Variants in DMD observed in about 807,000 individuals in gnomAD.
The protein encoded by DMD is mutant dystrophin.
In DMD, 63 loss-of-function variants were observed where a neutral mutation model predicts 330.1. The ratio of observed to expected loss-of-function variants is 0.19; its 90% CI spans 0.16 to 0.24. DMD has a LOEUF of 0.24. DMD is among the 10% of genes least tolerant of loss of function. DMD has a pLI of 1.00. For missense variants in DMD, 3,344 were observed against 2,684.1 expected (o/e 1.25, Z -5.43); for synonymous variants, 1,223 against 959.8 (o/e 1.27, Z -5.07).
intron 1 of DMD, among the ~76,000 whole-genome samples, chrX:33,107,139 C>T (rs1019883871): frequency 1.8e-5 from 2 of 111,396 alleles, no homozygotes; most frequent in Admixed American, 1.9e-4. Flanking sequence ...TGGTGAAACC[C>T]CGTCTCTACT....
chrX:32,446,611 C>T (rs1484307449), intron 27 of DMD, among the ~76,000 whole-genome samples: 1 of 109,981 alleles, frequency 9.1e-6, no homozygotes, highest in East Asian at 2.8e-4. Flanking sequence ...GGGAAAATAG[C>T]ATCGGTAAAT....
chrX:32,282,700 T>C (rs1458900999), intron 43 of DMD, among the ~76,000 whole-genome samples: 1 of 112,274 alleles, frequency 8.9e-6, no homozygotes, highest in Non-Finnish European at 1.9e-5. Context: ...AAGCGTAATG[T>C]CTGTTTTACC....
intron 7 of DMD, chrX:32,756,107 T>C (rs1412417119): frequency 8.9e-6 from 1 of 112,449 alleles, no homozygotes; most frequent in African/African-American, 3.2e-5. Flanking sequence ...AATTAAATCT[T>C]AGTAACATTT....
intron 63 of DMD, among the ~76,000 whole-genome samples, chrX:31,255,857 C>T (rs1002771331): frequency 9.7e-6 from 1 of 102,977 alleles, no homozygotes; most frequent in Non-Finnish European, 2.0e-5. Context: ...CTCATTGCAA[C>T]CTCCGACTCC....
At chrX:32,003,226 C>A (rs1372663472) in intron 44 of DMD, among the ~76,000 whole-genome samples, 1 of 111,969 alleles carries the variant, frequency 8.9e-6, no homozygotes, top group East Asian at 2.8e-4. Flanking sequence ...CTGCATGACA[C>A]CTAATGTCTC....
At chrX:32,610,504 C>T (rs2057083114) in intron 12 of DMD, among the ~76,000 whole-genome samples, 1 of 111,369 alleles carries the variant, frequency 9.0e-6, no homozygotes, top group Non-Finnish European at 1.9e-5. Context: ...AGCAAAGGAT[C>T]CTGTCACAGA....
intron 7 of DMD, among the ~76,000 whole-genome samples, chrX:32,793,213 G>A (rs772677531): frequency 2.9e-4 from 33 of 111,989 alleles, no homozygotes; most frequent in East Asian, 8.4e-4. Context: ...GAAGAAAATT[G>A]AGGAAATGTT....
chrX:33,176,074 G>A (rs1275144923), intron 1 of DMD, among the ~76,000 whole-genome samples: 1 of 111,222 alleles, frequency 9.0e-6, no homozygotes, highest in Non-Finnish European at 1.9e-5. Flanking sequence ...TCATCTCAGA[G>A]AGCCTTTCGC....
intron 4 of DMD, among the ~76,000 whole-genome samples, chrX:32,826,986 G>C (rs183576320): frequency 1.9e-5 from 2 of 105,900 alleles, no homozygotes; most frequent in African/African-American, 3.5e-5. Context: ...ATAAAAAATA[G>C]TTATATGGTA....
chrX:31,830,221 C>T (rs980265880), intron 49 of DMD, among the ~76,000 whole-genome samples: 1 of 112,539 alleles, frequency 8.9e-6, no homozygotes, highest in Non-Finnish European at 1.9e-5. Context: ...TCATTGTAAA[C>T]GAGTCTTTCA....
intron 52 of DMD, among the ~76,000 whole-genome samples, chrX:31,715,668 C>G (rs959505230): frequency 9.0e-6 from 1 of 110,875 alleles, no homozygotes; most frequent in Non-Finnish European, 1.9e-5. Flanking sequence ...TTGTATTCTG[C>G]AAGGATGAGG....
chrX:31,566,130 T>C (rs932720531), intron 55 of DMD, among the ~76,000 whole-genome samples: 1 of 112,046 alleles, frequency 8.9e-6, no homozygotes, highest in Admixed American at 9.5e-5. Context: ...GCAGTCCAAC[T>C]GATTTTTTTC....
chrX:32,469,987 G>C (rs2040449000), intron 22 of DMD, among the ~76,000 whole-genome samples: 1 of 111,126 alleles, frequency 9.0e-6, no homozygotes, highest in Non-Finnish European at 1.9e-5. Flanking sequence ...ATGCACTGAA[G>C]AGTTAACCTC....
intron 47 of DMD, among the ~76,000 whole-genome samples, chrX:31,889,845 A>T (rs902074375): frequency 9.1e-6 from 1 of 110,422 alleles, no homozygotes; most frequent in African/African-American, 3.3e-5. Flanking sequence ...ATTTGCTTGA[A>T]GGACCTTAGC....
At chrX:31,620,152 C>T (rs2078445991) in intron 55 of DMD, among the ~76,000 whole-genome samples, 1 of 111,533 alleles carries the variant, frequency 9.0e-6, no homozygotes, top group African/African-American at 3.3e-5. Flanking sequence ...TTGAGTATTC[C>T]TGAGCATTAT....
chrX:33,270,516 T>C (rs988117991), intron 1 of DMD, among the ~76,000 whole-genome samples: 4 of 105,414 alleles, frequency 3.8e-5, no homozygotes, highest in Non-Finnish European at 7.6e-5. Flanking sequence ...CCTTGGGACA[T>C]TTACAATCAA....
intron 32 of DMD, among the ~76,000 whole-genome samples, chrX:32,387,475 C>G (rs1455461920): frequency 9.0e-6 from 1 of 111,012 alleles, no homozygotes; most frequent in Non-Finnish European, 1.9e-5. Flanking sequence ...ATAAACCTGA[C>G]AGTAGGTAAT....
intron 1 of DMD, among the ~76,000 whole-genome samples, chrX:33,259,948 T>G (rs993737774): frequency 9.0e-6 from 1 of 111,058 alleles, no homozygotes; most frequent in African/African-American, 3.3e-5. Context: ...ATGTACCTGT[T>G]CATTCATTCA....
intron 2 of DMD, among the ~76,000 whole-genome samples, chrX:33,008,915 T>C (rs372054363): frequency 6.3e-5 from 5 of 79,988 alleles, no homozygotes; most frequent in East Asian, 5.3e-4. Flanking sequence ...TACTCATATA[T>C]GTATATATAC....
Sources: allele counts gnomAD v4.1 joint callset (sites outside exome capture counted in the v4.1 genomes callset), GRCh38; gene constraint gnomAD v4.1.1; transcripts MANE v1.5; gene names NCBI Gene and HGNC (gene_info 2026-07-23, HGNC 2026-07-21).